Variants in PHACTR4 observed in about 807,000 individuals in gnomAD.
The protein encoded by PHACTR4 is protein phosphatase 1, regulatory subunit 124.
Under a neutral mutation model 72.7 loss-of-function variants are expected in PHACTR4, and 51 were observed. The ratio of observed to expected loss-of-function variants is 0.70; its 90% CI spans 0.56 to 0.89. PHACTR4 has a LOEUF of 0.89. PHACTR4 is among the 40% of genes least tolerant of loss of function. The probability of loss-of-function intolerance (pLI) is 0.00; values close to 1 mark genes in which losing one functional copy is unlikely to be tolerated. For missense variants in PHACTR4, 731 were observed against 861.8 expected, an observed-to-expected ratio of 0.85 and a Z score of 1.90; for synonymous variants, 255 against 302.5, an observed-to-expected ratio of 0.84 and a Z score of 1.63.
chr1:28,491,540 T>A, intron 11 of PHACTR4, 110 bp from the exon 12 acceptor site: 13 of 1,440,280 alleles, frequency 9.0e-6, no homozygotes, highest in Non-Finnish European at 1.3e-5. Context: ...TGTCTAAAGC[T>A]CCCCCAGGTG....
intron 1 of PHACTR4, among the ~76,000 whole-genome samples, chr1:28,397,842 C>G (rs1211727041): frequency 6.6e-6 from 1 of 151,706 alleles, no homozygotes; most frequent in Admixed American, 6.6e-5. Flanking sequence ...ACTACAGGTG[C>G]GTGCCACCAT....
chr1:28,380,050 A>ATTTTTTTTTTTTTTTTTTTTTTTTT (rs1405487346), intron 1 of PHACTR4, among the ~76,000 whole-genome samples: 1 of 128,078 alleles, frequency 7.8e-6, no homozygotes, highest in Non-Finnish European at 1.6e-5. Context: ...TTTAAATGTA[A>ATTTTTTTTTTTTTTTTTTTTTTTTT]CTTTTTTTTT....
At position 28,483,818 on chromosome 1, in the gene PHACTR4, A is replaced by G. The variant is rs1003057237; in HGVS notation, c.1760+3214A>G. Among the ~76,000 whole-genome samples the G allele has an allele frequency of 2.1e-4, 31 of 146,068 alleles. No homozygotes were observed. The East Asian group carries it at 2.5e-3, about 12-fold the overall frequency. ...CGTCTCAAAAAAAAAAAAAAAAAAA[A>G]AGAGAGAGATAAATCAGCCATAATC... On this transcript the variant is annotated intron_variant, in intron 9 of 13. Transcript: ENST00000373839.
chr1:28,385,542 CAA>C (rs765203303), intron 1 of PHACTR4, among the ~76,000 whole-genome samples: 206 of 79,128 alleles, frequency 2.6e-3, no homozygotes, highest in African/African-American at 7.1e-3. Context: ...GACTCTGTCT[CAA>C]AAAAAAAAAA....
At chr1:28,473,512 T>G (rs748542758) in intron 6 of PHACTR4, 42 bp from the exon 7 acceptor site, 3 of 1,470,950 alleles carry the variant, frequency 2.0e-6, no homozygotes, top group Non-Finnish European at 2.8e-6. Flanking sequence ...CTTCAAAGCA[T>G]TGGAAAGTCG....
At chr1:28,492,657 G>A (rs1661108199) in intron 12 of PHACTR4, among the ~76,000 whole-genome samples, 1 of 152,054 alleles carries the variant, frequency 6.6e-6, no homozygotes. Flanking sequence ...CTATTCGGGA[G>A]GCTGAGGCAG....
chr1:28,412,958 C>CG (rs1388461741), intron 2 of PHACTR4, among the ~76,000 whole-genome samples: 1 of 152,166 alleles, frequency 6.6e-6, no homozygotes, highest in Non-Finnish European at 1.5e-5. Flanking sequence ...CCACTACCCC[C>CG]GGGCCACAGG....
chr1:28,465,319 G>A (rs914483427), intron 4 of PHACTR4, among the ~76,000 whole-genome samples: 36 of 152,108 alleles, frequency 2.4e-4, no homozygotes, highest in Non-Finnish European at 1.0e-4. Flanking sequence ...AAAATTAGTC[G>A]GGCGTGGTGG....
At chr1:28,462,329 C>G (rs559616317) in intron 4 of PHACTR4, among the ~76,000 whole-genome samples, 10 of 151,588 alleles carry the variant, frequency 6.6e-5, no homozygotes, top group African/African-American at 2.4e-4. Context: ...TTTTTTGATA[C>G]AGCTGTTCCA....
At chr1:28,461,411 A>G (rs553336238) in intron 4 of PHACTR4, among the ~76,000 whole-genome samples, 1 of 152,308 alleles carries the variant, frequency 6.6e-6, no homozygotes, top group South Asian at 2.1e-4. Context: ...ACTGCACTCC[A>G]GCCTGGGCAA....
intron 8 of PHACTR4, among the ~76,000 whole-genome samples, chr1:28,479,236 T>C (rs1660115723): frequency 1.3e-5 from 2 of 150,458 alleles, no homozygotes; most frequent in African/African-American, 4.9e-5. Flanking sequence ...GCCTGGCCAA[T>C]GTGGTGAAAC....
At chr1:28,394,913 CTT>C (rs1052095461) in intron 1 of PHACTR4, among the ~76,000 whole-genome samples, 4 of 127,070 alleles carry the variant, frequency 3.1e-5, no homozygotes, top group Non-Finnish European at 3.4e-5. Flanking sequence ...TCCTTTTTTT[CTT>C]TTTTTTTTTT....
chr1:28,390,647 G>A, intron 1 of PHACTR4, among the ~76,000 whole-genome samples: 1 of 152,068 alleles, frequency 6.6e-6, no homozygotes, highest in South Asian at 2.1e-4. Flanking sequence ...AAAAAAATTA[G>A]CCGGGCGTGG....
chr1:28,371,748 C>T lies in PHACTR4; in HGVS notation c.-39+1923C>T, dbSNP rs189601561. The stretch of plus-strand genomic sequence containing the variant: ...TGGGACAACAGACACAGGCCACCAG[C>T]GCAGCTAATTAAAAAAATTTTTAAA... On this transcript the variant is annotated intron_variant, in intron 1 of 13. Coordinates refer to ENST00000373839, the MANE Select transcript of PHACTR4 (RefSeq NM_001048183.3). Among the ~76,000 whole-genome samples, 589 of 151,982 alleles carry T rather than the reference C, an allele frequency of 3.9e-3. 3 individuals are homozygous for T. Among genetic ancestry groups the T allele is most frequent in the African/African-American group, 0.013 (559 of 41,448 alleles).
chr1:28,479,465 C>G (rs1469365898), intron 8 of PHACTR4, among the ~76,000 whole-genome samples: 2 of 151,290 alleles, frequency 1.3e-5, no homozygotes, highest in Non-Finnish European at 2.9e-5. Flanking sequence ...CACCTGTAAC[C>G]CCAGCTACTC....
chr1:28,481,828 A>G (rs1235196064), intron 9 of PHACTR4, among the ~76,000 whole-genome samples: 1 of 151,800 alleles, frequency 6.6e-6, no homozygotes, highest in Non-Finnish European at 1.5e-5. Context: ...AAAAAAATAT[A>G]TATTGGACAC....
At chr1:28,388,424 A>G (rs1341429020) in intron 1 of PHACTR4, among the ~76,000 whole-genome samples, 1 of 152,216 alleles carries the variant, frequency 6.6e-6, no homozygotes, top group Admixed American at 6.5e-5. Context: ...GGTATGGTCA[A>G]TTGATTTTCG....
chr1:28,425,741 T>G (rs1655797592), intron 2 of PHACTR4, among the ~76,000 whole-genome samples: 1 of 152,096 alleles, frequency 6.6e-6, no homozygotes, highest in South Asian at 2.1e-4. Context: ...TCACTTAAAG[T>G]GAATATTGAG....
Position 28,396,819 on chromosome 1 carries a change from C to T in PHACTR4, c.-38-10591C>T, listed in dbSNP as rs577062221. Among the ~76,000 whole-genome samples the T allele has an allele frequency of 3.4e-5, 5 of 148,668 alleles. No individual in the cohort carries two copies. In the East Asian group the frequency reaches 6.1e-4, roughly 18 times the overall value. Reference sequence around the variant, plus strand: ...GATTACAGGCTTACACCACCACGCCCGGCTAATTTCTTTCTTTCTTTCTTT... The same window carrying T: ...GATTACAGGCTTACACCACCACGCCTGGCTAATTTCTTTCTTTCTTTCTTT... On this transcript the variant is annotated intron_variant, in intron 1 of 13. Coordinates refer to ENST00000373839, the MANE Select transcript of PHACTR4 (RefSeq NM_001048183.3).
Sources: gnomAD v4.1 joint callset for allele counts (sites outside exome capture counted in the v4.1 genomes callset) on GRCh38, gnomAD v4.1.1 for gene constraint, MANE v1.5 for transcripts, NCBI Gene and HGNC (gene_info 2026-07-23, HGNC 2026-07-21) for gene names.